PIGN: variants seen among roughly 807,000 people sequenced by gnomAD.
PIGN encodes phosphatidylinositol glycan anchor biosynthesis class N.
A neutral mutation model predicts 125.4 loss-of-function variants in PIGN; 117 were observed. That is an observed-to-expected ratio of 0.93 (90% CI 0.80 to 1.09). The LOEUF is 1.09. PIGN is among the 50% of genes least tolerant of loss of function. The pLI is 0.00. For missense variants in PIGN, 1,075 were observed against 1,094.9 expected (o/e 0.98, Z 0.26); for synonymous variants, 392 against 377.8 (o/e 1.04, Z -0.44).
chr18:62,147,142 G>C (rs752206596), intron 8 of PIGN, 41 bp from the exon 9 acceptor site: 3 of 1,545,428 alleles, frequency 1.9e-6, no homozygotes, highest in South Asian at 1.2e-5. Flanking sequence ...AATTAATTTG[G>C]AGAAATCAAA....
intron 17 of PIGN, among the ~76,000 whole-genome samples, chr18:62,108,597 ATTT>A (rs5825477): frequency 2.7e-5 from 4 of 149,026 alleles, no homozygotes; most frequent in African/African-American, 9.9e-5. Flanking sequence ...TTTTAAGTTA[ATTT>A]TTTTTTTTGA....
chr18:62,176,278 CAATT>C (rs1181668229), intron 1 of PIGN, among the ~76,000 whole-genome samples: 1 of 151,688 alleles, frequency 6.6e-6, no homozygotes, highest in African/African-American at 2.4e-5. Context: ...AGAATAATTT[CAATT>C]AATTCAGGTA....
chr18:62,027,262 G>C (rs1220693192), intron 23 of PIGN, among the ~76,000 whole-genome samples: 1 of 152,152 alleles, frequency 6.6e-6, no homozygotes, highest in Non-Finnish European at 1.5e-5. Flanking sequence ...AGGAGTTCAA[G>C]ACCAACCTGG....
At chr18:62,160,907 C>T (rs2036928142) in intron 4 of PIGN, among the ~76,000 whole-genome samples, 1 of 152,182 alleles carries the variant, frequency 6.6e-6, no homozygotes, top group Non-Finnish European at 1.5e-5. Flanking sequence ...CTATCCATTT[C>T]AATTCACCGG....
At chr18:62,040,688 T>A (rs78962897), downstream of PIGN, among the ~76,000 whole-genome samples, 1,495 of 152,316 alleles carry the variant, frequency 9.8e-3, 46 homozygotes, top group East Asian at 0.069. Context: ...CAGGATTTAA[T>A]TGTATGGTTT....
chr18:62,117,428 C>G (rs1329237830), intron 14 of PIGN, among the ~76,000 whole-genome samples: 2 of 151,770 alleles, frequency 1.3e-5, no homozygotes. Flanking sequence ...CAAGGGAGAT[C>G]TATACATATA....
At chr18:62,172,630 G>C (rs967830317) in intron 1 of PIGN, among the ~76,000 whole-genome samples, 4 of 152,054 alleles carry the variant, frequency 2.6e-5, no homozygotes, top group Non-Finnish European at 5.9e-5. Context: ...AAATGCAAAT[G>C]TATATTTGCA....
intron 23 of PIGN, among the ~76,000 whole-genome samples, chr18:62,030,277 C>T (rs2030177721): frequency 6.6e-6 from 1 of 152,172 alleles, no homozygotes; most frequent in Non-Finnish European, 1.5e-5. Flanking sequence ...CTAACTTACG[C>T]CAAATCTGGA....
intron 12 of PIGN, among the ~76,000 whole-genome samples, chr18:62,139,390 C>T (rs1392931609): frequency 1.3e-5 from 2 of 152,162 alleles, no homozygotes; most frequent in East Asian, 3.9e-4. Context: ...TGGTAGGCCA[C>T]AGCCAGCATA....
chr18:62,055,407 A>G (rs1384717517), intron 30 of PIGN, among the ~76,000 whole-genome samples: 1 of 152,258 alleles, frequency 6.6e-6, no homozygotes, highest in Admixed American at 6.5e-5. Flanking sequence ...AAAGTTACAT[A>G]CTATATGATT....
Position 62,154,614 on chromosome 18 carries a change from A to G in PIGN, c.480T>C (p.Asp160=), listed in dbSNP as rs1211620514. ...GAGCACCAAAATCCTCTCTTTTAGCATCATAACTATATGTATAAACGTGGT... is the reference window on the plus strand; with the variant it reads ...GAGCACCAAAATCCTCTCTTTTAGCGTCATAACTATATGTATAAACGTGGT... The part of the protein sequence containing the change: ...SGDHVYTYSY[D]AKREDFGAQD... Residue 160 remains aspartate, a synonymous_variant, in exon 7 of 31, where the codon GAT becomes GAC. Coordinates refer to ENST00000640252, the MANE Select transcript of PIGN (RefSeq NM_176787.5). The G allele has an allele frequency of 6.3e-7, 1 of 1,584,032 alleles. No individual in the cohort carries two copies. The highest frequency in any genetic ancestry group is 1.3e-5 in the African/African-American group (1 of 74,332).
rs2034615436 is a variant in PIGN at position 62,105,768 on chromosome 18, A to C, written c.1768-134T>G. ...CAGCTGTTTATTATTTTATTTTTCA[A>C]ATACTTTCTAGCAGAATCAACAGCT... On this transcript the variant is annotated intron_variant, in intron 19 of 30. Coordinates refer to ENST00000640252, the MANE Select transcript of PIGN (RefSeq NM_176787.5). 3 of 518,916 alleles carry C rather than the reference A, an allele frequency of 5.8e-6. No homozygotes were observed. In the South Asian group the frequency reaches 1.1e-4, roughly 19 times the overall value. The allele number at this position is 518,916 out of a possible 1,614,324, so 32.1% of individuals were successfully genotyped here.
At chr18:62,024,960 A>T (rs150800727) in intron 23 of PIGN, among the ~76,000 whole-genome samples, 14 of 152,356 alleles carry the variant, frequency 9.2e-5, no homozygotes, top group African/African-American at 3.4e-4. Flanking sequence ...TGAAGAAGGA[A>T]ACCTCAACCA....
intron 23 of PIGN, among the ~76,000 whole-genome samples, chr18:62,018,908 A>G (rs2030017296): frequency 6.6e-6 from 1 of 152,164 alleles, no homozygotes; most frequent in Non-Finnish European, 1.5e-5. Flanking sequence ...GACCTGCCCA[A>G]GGTTGGCAGT....
chr18:62,036,586 G>A (rs1235871422), downstream of PIGN, among the ~76,000 whole-genome samples: 2 of 152,154 alleles, frequency 1.3e-5, no homozygotes, highest in Non-Finnish European at 2.9e-5. Flanking sequence ...ATGGAGCAAG[G>A]AAACTATGGA....
At position 62,179,757 on chromosome 18, in the gene PIGN, A is replaced by C. The variant is rs188945465; in HGVS notation, c.-236+7087T>G. Among the ~76,000 whole-genome samples the C allele has an allele frequency of 4.6e-5, 7 of 152,206 alleles. No homozygotes were observed. In the East Asian group the frequency reaches 5.8e-4, roughly 13 times the overall value. On this transcript the variant is annotated intron_variant, in intron 1 of 30. Coordinates refer to ENST00000640252, the MANE Select transcript of PIGN (RefSeq NM_176787.5). ...GTGAGACCCTGTCTCAAAATAAATA[A>C]ATACATACATAAATAAAAGCCATCT...
chr18:62,053,131 G>T (rs1486336866), intron 30 of PIGN, among the ~76,000 whole-genome samples: 2 of 152,204 alleles, frequency 1.3e-5, no homozygotes, highest in African/African-American at 4.8e-5. Context: ...GGTTTCAAAT[G>T]TGTGTAGAGG....
intron 14 of PIGN, chr18:62,138,040 C>T: frequency 1.6e-6 from 1 of 634,128 alleles, no homozygotes; most frequent in Non-Finnish European, 2.6e-6. Flanking sequence ...TTCCCTCATC[C>T]CTCTTCCAGC....
intron 1 of PIGN, among the ~76,000 whole-genome samples, chr18:62,165,156 C>A (rs965340830): frequency 2.0e-5 from 3 of 152,130 alleles, no homozygotes; most frequent in African/African-American, 7.2e-5. Context: ...GGATTAACTC[C>A]CCTTCTCAGG....
Sources: allele counts gnomAD v4.1 joint callset (sites outside exome capture counted in the v4.1 genomes callset), GRCh38; gene constraint gnomAD v4.1.1; transcripts MANE v1.5; gene names NCBI Gene and HGNC (gene_info 2026-07-23, HGNC 2026-07-21).